PKIB: variants seen among roughly 807,000 people sequenced by gnomAD.
The protein encoded by PKIB is PKI-beta.
A neutral mutation model predicts 4.5 loss-of-function variants in PKIB; 2 were observed. The observed-to-expected ratio is 0.44, with a 90% CI of 0.18 to 1.39. The LOEUF is 1.39. PKIB is among the 40% of genes most tolerant of loss of function. The probability of loss-of-function intolerance (pLI) is 0.27; values close to 1 mark genes in which losing one functional copy is unlikely to be tolerated. For synonymous variants in PKIB, 38 were observed against 36.0 expected (o/e 1.06, Z -0.20); for missense variants, 94 against 92.6 (o/e 1.02, Z -0.06).
At chr6:122,695,992 G>A (rs898552677) in intron 3 of PKIB, among the ~76,000 whole-genome samples, 4 of 152,146 alleles carry the variant, frequency 2.6e-5, no homozygotes, top group Non-Finnish European at 5.9e-5. Flanking sequence ...TTCTACCTGT[G>A]TATGGCTGAT....
At chr6:122,667,904 T>C (rs867734715) in intron 2 of PKIB, among the ~76,000 whole-genome samples, 5 of 152,142 alleles carry the variant, frequency 3.3e-5, no homozygotes, top group African/African-American at 9.7e-5. Flanking sequence ...TGAAAAGATA[T>C]ACAGACAGAC....
rs113144519 is a variant in PKIB, at chr6:122,678,132, T to A, written c.-9+2988T>A. ...CCAGGGTGGTCTCGATCTACTGACC[T>A]CATAATCTGCTCACCTCGGCCTCCC... On this transcript the variant is annotated intron_variant, in intron 3 of 4. Coordinates refer to ENST00000368452, the MANE Select transcript of PKIB (RefSeq NM_181795.3). Among the ~76,000 whole-genome samples the A allele has an allele frequency of 1.6e-3, 247 of 152,238 alleles. 1 individual carries two copies. Among genetic ancestry groups the A allele is most frequent in the African/African-American group, 5.8e-3 (240 of 41,550 alleles).
At chr6:122,552,299 C>T (rs932442714) in intron 2 of PKIB, among the ~76,000 whole-genome samples, 4 of 152,104 alleles carry the variant, frequency 2.6e-5, no homozygotes, top group African/African-American at 4.8e-5. Flanking sequence ...TTACAGTTCA[C>T]GCCAGGTAGC....
At chr6:122,501,951 A>ATTTTTTTTTT (rs1562230962) in intron 2 of PKIB, among the ~76,000 whole-genome samples, 4 of 105,406 alleles carry the variant, frequency 3.8e-5, no homozygotes, top group Non-Finnish European at 6.0e-5. Context: ...TTTTTTTTTA[A>ATTTTTTTTTT]TTTTATTTTA....
At chr6:122,691,393 C>G (rs1778349623) in intron 3 of PKIB, among the ~76,000 whole-genome samples, 1 of 151,820 alleles carries the variant, frequency 6.6e-6, no homozygotes, top group East Asian at 1.9e-4. Flanking sequence ...TTGCTTTTGT[C>G]TGCTCTGACT....
intron 3 of PKIB, chr6:122,717,418 A>G (rs7752862): frequency 0.99 from 268,095 of 269,990 alleles, 133,137 homozygotes; most frequent in Middle Eastern, 1. Flanking sequence ...ATACTGGCAG[A>G]AAGAGTCTCT....
chr6:122,506,763 A>C (rs1394995983), intron 2 of PKIB, among the ~76,000 whole-genome samples: 1 of 142,456 alleles, frequency 7.0e-6, no homozygotes, highest in East Asian at 2.1e-4. Context: ...GCAGTGGCGC[A>C]ATCTCGGCTC....
At chr6:122,542,615 C>T (rs1777640387) in intron 2 of PKIB, among the ~76,000 whole-genome samples, 2 of 152,046 alleles carry the variant, frequency 1.3e-5, no homozygotes, top group South Asian at 4.1e-4. Flanking sequence ...TGTGAGGTGT[C>T]AGTCTGCCCC....
At chr6:122,525,060 T>C (rs1426974942) in intron 2 of PKIB, among the ~76,000 whole-genome samples, 2 of 112,822 alleles carry the variant, frequency 1.8e-5, no homozygotes, top group Non-Finnish European at 4.2e-5. Flanking sequence ...AGGTTGTTAA[T>C]TTTTTTTTTA....
intron 3 of PKIB, among the ~76,000 whole-genome samples, chr6:122,594,388 G>A (rs112034528): frequency 1.3e-5 from 2 of 152,144 alleles, no homozygotes; most frequent in African/African-American, 2.4e-5. Context: ...TGTATTTTTA[G>A]TAGAGACGGG....
At chr6:122,537,542 G>GGT (rs756584652) in intron 2 of PKIB, among the ~76,000 whole-genome samples, 47 of 152,046 alleles carry the variant, frequency 3.1e-4, no homozygotes, top group Non-Finnish European at 4.9e-4. Flanking sequence ...AGTATTCCAT[G>GGT]GTATATGTGC....
intron 2 of PKIB, among the ~76,000 whole-genome samples, chr6:122,492,799 A>C (rs753513825): frequency 6.6e-6 from 1 of 150,804 alleles, no homozygotes; most frequent in Non-Finnish European, 1.5e-5. Context: ...AATTTTCTCA[A>C]TATTCTTTAC....
At chr6:122,653,788 C>G (rs1776664986) in intron 2 of PKIB, among the ~76,000 whole-genome samples, 1 of 152,082 alleles carries the variant, frequency 6.6e-6, no homozygotes, top group Non-Finnish European at 1.5e-5. Context: ...TGGTGAAACC[C>G]TGTCTCTACT....
intron 3 of PKIB, among the ~76,000 whole-genome samples, chr6:122,594,397 G>A (rs768692049): frequency 6.6e-6 from 1 of 151,958 alleles, no homozygotes; most frequent in African/African-American, 2.4e-5. Context: ...AGTAGAGACG[G>A]GGTTTCACCA....
chr6:122,592,019 C>G lies in PKIB; in HGVS notation c.-161+6012C>G, dbSNP rs541306381. Among the ~76,000 whole-genome samples the G allele has an allele frequency of 7.7e-5, 11 of 143,086 alleles. No homozygotes were observed. The South Asian group carries it at 1.6e-3, about 20-fold the overall frequency. 93.9% of individuals were successfully genotyped at this position (143,086 alleles called of 152,430 possible). A position where few individuals can be genotyped will look rare whatever the true frequency, so the allele number is the denominator to read the frequency against. On this transcript the variant is annotated intron_variant, in intron 3 of 6. Coordinates refer to the PKIB transcript ENST00000392491. ...TAACTTGCTATGTAGTCTCTTTTCCCTTTTTTTTTTTTAACCTTAGTTTCC... is the reference window on the plus strand; with the variant it reads ...TAACTTGCTATGTAGTCTCTTTTCCGTTTTTTTTTTTTAACCTTAGTTTCC...
At chr6:122,675,358 T>C (rs1191671600) in intron 3 of PKIB, among the ~76,000 whole-genome samples, 2 of 152,150 alleles carry the variant, frequency 1.3e-5, no homozygotes, top group African/African-American at 2.4e-5. Flanking sequence ...ACCAAGTCTA[T>C]CTATAGCTCA....
In PKIB at chr6:122,671,290, CAA is replaced by C. The variant is rs66952964; in HGVS notation, c.-75-3774_-75-3773del. 1.8e-3 allele frequency among the ~76,000 whole-genome samples: 211 copies of C among 119,800 alleles called. No individual in the cohort carries two copies. In the Middle Eastern group the frequency reaches 0.022, roughly 12 times the overall value. The allele number at this position is 119,800 out of a possible 152,430, so 78.6% of individuals were successfully genotyped here. On this transcript the variant is annotated intron_variant, in intron 2 of 4. Coordinates refer to ENST00000368452, the MANE Select transcript of PKIB (RefSeq NM_181795.3). ...CTGGTGACAGAGAAAGACTCTGTCT[CAA>C]AAAAAAAAAAAAATACTTATTGAAG...
chr6:122,549,423 T>C (rs1772602624), intron 2 of PKIB, among the ~76,000 whole-genome samples: 1 of 152,216 alleles, frequency 6.6e-6, no homozygotes, highest in Non-Finnish European at 1.5e-5. Flanking sequence ...GCATTGGCAA[T>C]GTCCTCTAAT....
chr6:122,586,653 T>C (rs1290295728), intron 3 of PKIB, among the ~76,000 whole-genome samples: 2 of 152,178 alleles, frequency 1.3e-5, no homozygotes, highest in Non-Finnish European at 2.9e-5. Context: ...TTCCCTGTAC[T>C]TCCCCTCTAC....
Sources: allele counts gnomAD v4.1 joint callset (sites outside exome capture counted in the v4.1 genomes callset), GRCh38; gene constraint gnomAD v4.1.1; transcripts MANE v1.5; gene names NCBI Gene and HGNC (gene_info 2026-07-23, HGNC 2026-07-21).